The following AKAP10 variants were observed in gnomAD, a reference collection of about 807,000 sequenced individuals.
The protein encoded by AKAP10 is A-kinase anchoring protein 10.
Under a neutral mutation model 80.8 loss-of-function variants are expected in AKAP10, and 24 were observed. The ratio of observed to expected loss-of-function variants is 0.30; its 90% CI spans 0.22 to 0.42. AKAP10 has a LOEUF of 0.42. Ranked by LOEUF, AKAP10 falls within the 10% of genes least tolerant of loss-of-function variation. AKAP10 has a pLI of 1.00. For missense variants in AKAP10, 661 were observed against 794.9 expected (o/e 0.83, Z 2.03); for synonymous variants, 291 against 277.7 (o/e 1.05, Z -0.48).
At chr17:19,958,632 T>C (rs184165056) in intron 3 of AKAP10, 61 bp from the exon 4 acceptor site, 11 of 1,420,078 alleles carry the variant, frequency 7.7e-6, no homozygotes, top group Admixed American at 2.2e-5. Flanking sequence ...ATTGACAGAT[T>C]AGTCAATCAC....
At chr17:19,947,630 A>C in intron 4 of AKAP10, 125 bp from the exon 5 acceptor site, 1 of 743,292 alleles carries the variant, frequency 1.3e-6, no homozygotes. Flanking sequence ...TTCCATCACA[A>C]AGGTGCTTTT....
At chr17:19,947,291 G>A in intron 5 of AKAP10, 116 bp downstream of exon 5, 1 of 776,306 alleles carries the variant, frequency 1.3e-6, no homozygotes, top group East Asian at 2.5e-5. Context: ...AACAAATTAG[G>A]AAGGGAACTG....
At chr17:19,971,754 T>C (rs73296061) in intron 1 of AKAP10, among the ~76,000 whole-genome samples, 1,811 of 152,340 alleles carry the variant, frequency 0.012, 24 homozygotes, top group African/African-American at 0.04. Context: ...CACGTCTTCC[T>C]ATGCATATAA....
At chr17:19,916,806 G>A (rs920019267) in intron 12 of AKAP10, among the ~76,000 whole-genome samples, 33 of 151,634 alleles carry the variant, frequency 2.2e-4, no homozygotes, top group African/African-American at 8.0e-4. Flanking sequence ...GCGTGGTGGC[G>A]AGCGCCTGTG....
intron 11 of AKAP10, among the ~76,000 whole-genome samples, chr17:19,920,830 TG>T (rs2042801882): frequency 9.2e-6 from 1 of 108,640 alleles, no homozygotes; most frequent in Non-Finnish European, 1.6e-5. Context: ...CACTCCAGCC[TG>T]GGCAACAGAG....
At chr17:19,933,448 T>C (rs1259003131) in intron 9 of AKAP10, among the ~76,000 whole-genome samples, 1 of 152,214 alleles carries the variant, frequency 6.6e-6, no homozygotes, top group Non-Finnish European at 1.5e-5. Flanking sequence ...CATGTCTTTT[T>C]TCCTACCTAA....
At chr17:19,955,302 T>C (rs1251299166) in intron 4 of AKAP10, among the ~76,000 whole-genome samples, 5 of 151,980 alleles carry the variant, frequency 3.3e-5, no homozygotes, top group Non-Finnish European at 5.9e-5. Flanking sequence ...AGTGTTGGGA[T>C]AGAGGTGGGG....
At chr17:19,934,674 T>C (rs2042973875) in intron 9 of AKAP10, among the ~76,000 whole-genome samples, 1 of 152,198 alleles carries the variant, frequency 6.6e-6, no homozygotes, top group African/African-American at 2.4e-5. Context: ...GAGGTAAACG[T>C]GCATATTATC....
chr17:19,918,728 C>G (rs879599824), intron 12 of AKAP10, among the ~76,000 whole-genome samples: 1 of 152,194 alleles, frequency 6.6e-6, no homozygotes, highest in Non-Finnish European at 1.5e-5. Flanking sequence ...CTAAAAACTT[C>G]TAGATACCAT....
At chr17:19,909,890 A>T in intron 13 of AKAP10, 36 bp downstream of exon 13, 1 of 1,605,544 alleles carries the variant, frequency 6.2e-7, no homozygotes, top group Non-Finnish European at 8.5e-7. Flanking sequence ...TGGCACTTAT[A>T]AACAGAAATC....
At chr17:19,963,125 T>C (rs2043373627) in intron 2 of AKAP10, 103 bp from the exon 3 acceptor site, 1 of 1,034,726 alleles carries the variant, frequency 9.7e-7, no homozygotes, top group Non-Finnish European at 1.4e-6. Flanking sequence ...TTTTGTAACA[T>C]TACTCTTAAG....
intron 5 of AKAP10, among the ~76,000 whole-genome samples, chr17:19,945,403 T>C (rs1224831625): frequency 6.6e-6 from 1 of 152,210 alleles, no homozygotes; most frequent in Non-Finnish European, 1.5e-5. Context: ...ATCCCTGTTG[T>C]ATTACTAGGA....
intron 4 of AKAP10, among the ~76,000 whole-genome samples, chr17:19,954,127 T>G (rs951697747): frequency 1.3e-5 from 2 of 152,164 alleles, no homozygotes; most frequent in Non-Finnish European, 2.9e-5. Flanking sequence ...ACACAATCTC[T>G]TCTAGAAAAT....
intron 4 of AKAP10, among the ~76,000 whole-genome samples, chr17:19,948,558 A>G (rs886710200): frequency 1.3e-5 from 2 of 152,072 alleles, no homozygotes; most frequent in Non-Finnish European, 2.9e-5. Context: ...AAGAAGAAGA[A>G]GTCGTGGCCA....
At chr17:19,958,699 A>G (rs1001542894) in intron 3 of AKAP10, 128 bp from the exon 4 acceptor site, 2 of 741,336 alleles carry the variant, frequency 2.7e-6, no homozygotes, top group African/African-American at 3.5e-5. Flanking sequence ...TAGCAACTAA[A>G]GTAAATAAAA....
chr17:19,958,489 A>G lies in AKAP10; in HGVS notation c.402T>C (p.Ile134=), dbSNP rs140533199. The G allele has an allele frequency of 6.2e-7, 1 of 1,613,670 alleles. No individual in the cohort carries two copies. The highest frequency in any genetic ancestry group is 1.3e-5 in the African/African-American group (1 of 75,058). The change falls in exon 4 of 15, where the codon ATT becomes ATC. Residue 134 remains isoleucine (I), a synonymous_variant. Transcript: ENST00000225737. ...KTLEQVLHDT[I]VLPYFIQFME... Reference sequence around the variant, plus strand: ...TGAATTGAATGAAGTAAGGGAGGACAATAGTGTCGTGCAAGACTTGTTCAA... The same window carrying G: ...TGAATTGAATGAAGTAAGGGAGGACGATAGTGTCGTGCAAGACTTGTTCAA...
At chr17:19,977,319 C>A (rs1348017186) in intron 1 of AKAP10, among the ~76,000 whole-genome samples, 1 of 152,370 alleles carries the variant, frequency 6.6e-6, no homozygotes, top group Middle Eastern at 3.4e-3. Flanking sequence ...CACCTAAGAA[C>A]TGTTCTTAAC....
intron 11 of AKAP10, 103 bp from the exon 12 acceptor site, chr17:19,920,221 AAC>A: frequency 1.2e-6 from 1 of 820,922 alleles, no homozygotes. Flanking sequence ...GAAAGCCAGA[AAC>A]ACAATTTATA....
At chr17:19,973,486 G>C (rs1171001803) in intron 1 of AKAP10, among the ~76,000 whole-genome samples, 2 of 152,172 alleles carry the variant, frequency 1.3e-5, no homozygotes, top group Non-Finnish European at 2.9e-5. Flanking sequence ...TGGATAACTA[G>C]CATCATTTAC....
Sources: allele counts gnomAD v4.1 joint callset (sites outside exome capture counted in the v4.1 genomes callset), GRCh38; gene constraint gnomAD v4.1.1; transcripts MANE v1.5; gene names NCBI Gene and HGNC (gene_info 2026-07-23, HGNC 2026-07-21).